Variants in HACD4 observed in about 807,000 individuals in gnomAD.
HACD4 encodes the protein very-long-chain (3R)-3-hydroxyacyl-CoA dehydratase 4.
HACD4 carries 35 observed loss-of-function variants against 33.3 expected under a neutral mutation model. The ratio of observed to expected loss-of-function variants is 1.05; its 90% CI spans 0.80 to 1.39. The LOEUF is 1.39. HACD4 is among the 40% of genes most tolerant of loss of function. The probability of loss-of-function intolerance (pLI) is 0.00; values close to 1 mark genes in which losing one functional copy is unlikely to be tolerated. For synonymous variants in HACD4, 118 were observed against 98.0 expected, an observed-to-expected ratio of 1.20 and a Z score of -1.21; for missense variants, 323 against 276.5, an observed-to-expected ratio of 1.17 and a Z score of -1.19.
chr9:21,013,533 C>G (rs949880888), intron 4 of HACD4, among the ~76,000 whole-genome samples: 1 of 152,178 alleles, frequency 6.6e-6, no homozygotes, highest in Non-Finnish European at 1.5e-5. Context: ...TTCTCAATTT[C>G]TGCAATGAAG....
chr9:21,006,889 C>A lies in HACD4; in HGVS notation c.*148G>T. On this transcript the variant is annotated 3_prime_UTR_variant, in exon 7 of 7. Coordinates refer to ENST00000495827, the MANE Select transcript of HACD4 (RefSeq NM_001010915.5). This position sits in a 1 kb window ranked among gnomAD's most constrained non-coding sequence, Gnocchi z 4.6. ...GTGTGAAAAACATAGCCTGTTATGT[C>A]TAGAGTTTTGGGGGTATGTGCAGTT... The A allele has an allele frequency of 1.5e-6, 1 of 664,630 alleles. No homozygotes were observed. The highest frequency in any genetic ancestry group is 2.7e-6 in the Non-Finnish European group (1 of 367,482). The allele number at this position is 664,630 out of a possible 1,614,324, so 41.2% of individuals were successfully genotyped here. A position where few individuals can be genotyped will look rare whatever the true frequency, so the allele number is the denominator to read the frequency against.
At chr9:21,020,843 AT>A (rs1422752926) in intron 3 of HACD4, among the ~76,000 whole-genome samples, 4 of 152,240 alleles carry the variant, frequency 2.6e-5, no homozygotes, top group African/African-American at 4.8e-5. Flanking sequence ...GTATAAAAAA[AT>A]AAAATATATG....
intron 2 of HACD4, among the ~76,000 whole-genome samples, chr9:21,028,761 T>C (rs896161495): frequency 1.3e-5 from 2 of 152,138 alleles, no homozygotes; most frequent in African/African-American, 4.8e-5. Context: ...AGTTTATGAC[T>C]TAAACCATTA....
chr9:21,025,980 A>T (rs1295456564), intron 3 of HACD4, among the ~76,000 whole-genome samples: 1 of 152,242 alleles, frequency 6.6e-6, no homozygotes, highest in Admixed American at 6.5e-5. Context: ...CTGGGATTTG[A>T]ATCCGGGTCT....
chr9:21,010,561 G>C (rs1215824642), intron 5 of HACD4, among the ~76,000 whole-genome samples: 2 of 149,288 alleles, frequency 1.3e-5, no homozygotes, highest in African/African-American at 5.0e-5. Context: ...TAAGACAGCA[G>C]TCCCCAACCT....
At position 21,026,697 on chromosome 9, in the gene HACD4, T is replaced by C. The variant is rs375654563; in HGVS notation, c.169A>G (p.Ile57Val). ...TGGCAAAGTCGCATCACAAGTCCAA[T>C]AGCATAAAAAGTGTCAACCATTGAA... ...KDSMVDTFYA[I>V]GLVMRLCQSV... Residue 57 changes from isoleucine (I) to valine (V), a missense_variant, in exon 3 of 7, where the codon ATT (isoleucine) becomes GTT (valine). Ile to Val is a conservative substitution (Grantham distance 29). Coordinates refer to ENST00000495827, the MANE Select transcript of HACD4 (RefSeq NM_001010915.5). The C allele has an allele frequency of 1.9e-6, 3 of 1,613,478 alleles. No homozygotes were observed. Among genetic ancestry groups the C allele is most frequent in the African/African-American group, 1.3e-5 (1 of 74,896 alleles).
chr9:21,031,460 G>T (rs1185665764), intron 1 of HACD4, 93 bp downstream of exon 1: 5 of 1,354,128 alleles, frequency 3.7e-6, no homozygotes, highest in Non-Finnish European at 4.7e-6. Flanking sequence ...GCGGGCGGGG[G>T]GTGCCGCCCG....
At chr9:21,012,741 A>G (rs1842466025) in intron 4 of HACD4, among the ~76,000 whole-genome samples, 1 of 152,158 alleles carries the variant, frequency 6.6e-6, no homozygotes, top group Non-Finnish European at 1.5e-5. Flanking sequence ...TCATATTAGA[A>G]GAGTGGGTAA....
Position 20,999,588 on chromosome 9 carries a change from ATACT to A in HACD4, c.*7445_*7448del, listed in dbSNP as rs1002174902. 1.4e-5 allele frequency: 2 copies of A among 147,688 alleles called. No individual in the cohort carries two copies. Among genetic ancestry groups the A allele is most frequent in the Non-Finnish European group, 3.0e-5 (2 of 67,268 alleles). 9.1% of individuals were successfully genotyped at this position (147,688 alleles called of 1,614,324 possible). On this transcript the variant is annotated 3_prime_UTR_variant, in exon 7 of 7. Transcript: ENST00000495827. ...AATATTCTAGAAGTAGCATGTTAAG[ATACT>A]TATATAAGTTGAAAGAAAAAAACAA... is the stretch of plus-strand genomic sequence containing the variant.
chr9:21,009,226 G>C (rs1256926230), intron 5 of HACD4, among the ~76,000 whole-genome samples: 1 of 152,054 alleles, frequency 6.6e-6, no homozygotes, highest in East Asian at 1.9e-4. Flanking sequence ...AACATATACA[G>C]AAACACAGAA....
chr9:20,999,840 C>A lies in HACD4; in HGVS notation c.*7197G>T, dbSNP rs1015171682. On this transcript the variant is annotated 3_prime_UTR_variant, in exon 7 of 7. Coordinates refer to ENST00000495827, the MANE Select transcript of HACD4 (RefSeq NM_001010915.5). ...GTCATCCCTGCTCTCATGGAACTTA[C>A]AGTCAGAGAATATAAATCACTAAAC... The A allele has an allele frequency of 4.6e-5, 7 of 151,794 alleles. No individual in the cohort carries two copies. Among genetic ancestry groups the A allele is most frequent in the Non-Finnish European group, 1.0e-4 (7 of 68,028 alleles). 9.4% of individuals were successfully genotyped at this position (151,794 alleles called of 1,614,324 possible).
chr9:21,021,580 C>A (rs988199648), intron 3 of HACD4, among the ~76,000 whole-genome samples: 1 of 152,062 alleles, frequency 6.6e-6, no homozygotes, highest in African/African-American at 2.4e-5. Context: ...TCCTATATAC[C>A]AATAACAGAC....
chr9:21,027,667 A>G (rs2132803187), intron 2 of HACD4, among the ~76,000 whole-genome samples: 1 of 152,240 alleles, frequency 6.6e-6, no homozygotes, highest in East Asian at 1.9e-4. Context: ...GGTAGCAGGT[A>G]TAACACGTTC....
intron 2 of HACD4, among the ~76,000 whole-genome samples, chr9:21,027,582 G>A (rs1329060910): frequency 6.6e-6 from 1 of 152,156 alleles, no homozygotes; most frequent in Admixed American, 6.5e-5. Context: ...GAAGTACACA[G>A]TCCATGCTCT....
chr9:21,011,683 G>A lies in HACD4; in HGVS notation c.396C>T (p.Ser132=). Residue 132 remains serine (S), a synonymous_variant, in exon 5 of 7, where the codon AGC becomes AGT. Coordinates refer to ENST00000495827, the MANE Select transcript of HACD4 (RefSeq NM_001010915.5). The stretch of plus-strand genomic sequence containing the variant: ...AGGATATTCCTATGACTGATAACAT[G>A]CTATAAGTGTACCTGAAAGGAGATG... ...NLLDMVRYTY[S]MLSVIGISYA... is the part of the protein sequence containing the mutation. The A allele has an allele frequency of 6.3e-7, 1 of 1,592,730 alleles. No individual in the cohort carries two copies. The highest frequency in any genetic ancestry group is 8.6e-7 in the Non-Finnish European group (1 of 1,163,588).
rs914819506 is a variant in HACD4, at chr9:21,002,049, T to C, written c.*4988A>G. 3.9e-5 allele frequency: 6 copies of C among 152,136 alleles called. No homozygotes were observed. The highest frequency in any genetic ancestry group is 8.8e-5 in the Non-Finnish European group (6 of 67,988). 9.4% of individuals were successfully genotyped at this position (152,136 alleles called of 1,614,324 possible). ...ATAGAGACTACTGCATTTTTAAAAATTGATTTTGGACACACAGTGTATATA... is the reference window on the plus strand; with the variant it reads ...ATAGAGACTACTGCATTTTTAAAAACTGATTTTGGACACACAGTGTATATA... On this transcript the variant is annotated 3_prime_UTR_variant, in exon 7 of 7. Transcript: ENST00000495827.
Position 20,999,528 on chromosome 9 carries a change from T to C in HACD4, c.*7509A>G, listed in dbSNP as rs891842617. 2 of 152,146 alleles carry C rather than the reference T, an allele frequency of 1.3e-5. No homozygotes were observed. Among genetic ancestry groups the C allele is most frequent in the African/African-American group, 2.4e-5 (1 of 41,448 alleles). The allele number at this position is 152,146 out of a possible 1,614,324, so 9.4% of individuals were successfully genotyped here. ...TGTATATGGGGACTCAGGAAGACAG[T>C]GGAAGTTTATTAAGAAATTGTTCTT... On this transcript the variant is annotated 3_prime_UTR_variant, in exon 7 of 7. Coordinates refer to ENST00000495827, the MANE Select transcript of HACD4 (RefSeq NM_001010915.5).
Position 21,006,546 on chromosome 9 carries a change from G to A in HACD4, c.*491C>T, listed in dbSNP as rs963948323. 2 of 187,130 alleles carry A rather than the reference G, an allele frequency of 1.1e-5. No homozygotes were observed. Among genetic ancestry groups the A allele is most frequent in the African/African-American group, 4.8e-5 (2 of 41,586 alleles). The allele number at this position is 187,130 out of a possible 1,614,324, so 11.6% of individuals were successfully genotyped here. A position where few individuals can be genotyped will look rare whatever the true frequency, so the allele number is the denominator to read the frequency against. ...TAAACATATCTAATGTTTAGGGTGA[G>A]TATTATTAGATCTGAAGACAGACAT... On this transcript the variant is annotated 3_prime_UTR_variant, in exon 7 of 7. Transcript: ENST00000495827. The surrounding 1 kb of genome is among the most constrained non-coding windows in gnomAD (Gnocchi z 4.6).
intron 1 of HACD4, among the ~76,000 whole-genome samples, chr9:21,030,932 G>C (rs1818198197): frequency 1.3e-5 from 2 of 152,188 alleles, no homozygotes; most frequent in South Asian, 4.1e-4. Flanking sequence ...GTGTGGTCAA[G>C]ATTTACTCCT....
Sources: allele counts gnomAD v4.1 joint callset (sites outside exome capture counted in the v4.1 genomes callset), GRCh38; gene constraint gnomAD v4.1.1; non-coding constraint Gnocchi (gnomAD v3.1); transcripts MANE v1.5; gene names NCBI Gene and HGNC (gene_info 2026-07-23, HGNC 2026-07-21).